MAP2: variants seen among roughly 807,000 people sequenced by gnomAD.
MAP2 encodes the protein microtubule-associated protein 2.
A neutral mutation model predicts 137.6 loss-of-function variants in MAP2; 14 were observed. The ratio of observed to expected loss-of-function variants is 0.10; its 90% CI spans 0.07 to 0.16. MAP2 has a LOEUF of 0.16. Among genes scored for constraint, MAP2 ranks in the 10% least tolerant of loss-of-function variants. MAP2 has a pLI of 1.00. For missense variants in MAP2, 2,088 were observed against 2,191.5 expected (o/e 0.95, Z 0.94); for synonymous variants, 786 against 782.3 (o/e 1.00, Z -0.08).
chr2:209,429,064 C>T (rs920345750), intron 1 of MAP2, among the ~76,000 whole-genome samples: 2 of 152,052 alleles, frequency 1.3e-5, no homozygotes, highest in Non-Finnish European at 2.9e-5. Context: ...CGCCATTCTC[C>T]TGCCTCAGCC....
Position 209,693,994 on chromosome 2 carries a change from C to G in MAP2, c.1824C>G (p.Thr608=). The change falls in exon 8 of 16, where the codon ACC becomes ACG. Residue 608 remains threonine, a synonymous_variant. Transcript: ENST00000682079. ...AAAGTGTCCATGAGTCTATTGATACCATGTCTCCCATGCATAAAAATGGTG... is the reference window on the plus strand; with the variant it reads ...AAAGTGTCCATGAGTCTATTGATACGATGTCTCCCATGCATAAAAATGGTG... ...TRESVHESID[T]MSPMHKNGDK... is the part of the protein sequence containing the mutation. 4 of 1,613,928 alleles carry G rather than the reference C, an allele frequency of 2.5e-6. No individual in the cohort carries two copies. The highest frequency in any genetic ancestry group is 2.5e-6 in the Non-Finnish European group (3 of 1,179,968).
intron 7 of MAP2, among the ~76,000 whole-genome samples, chr2:209,686,170 G>A (rs556659968): frequency 1.3e-5 from 2 of 152,258 alleles, no homozygotes; most frequent in African/African-American, 4.8e-5. Flanking sequence ...CTGCGAAATC[G>A]TGCCGAGTTG....
At chr2:209,515,283 C>A (rs993867851) in intron 2 of MAP2, among the ~76,000 whole-genome samples, 31 of 152,036 alleles carry the variant, frequency 2.0e-4, no homozygotes, top group African/African-American at 7.2e-4. Flanking sequence ...TAGTTCAAAA[C>A]TAGAGCAAGT....
Position 209,692,649 on chromosome 2 carries a change from A to G in MAP2, c.479A>G (p.Glu160Gly). ...GATTTACTTACAGCCTCGAAGATGG[A>G]GTTCCACGATCAACAGGAATTGACT... ...EEDLLTASKM[E>G]FHDQQELTPS... The change falls in exon 8 of 16, where the codon GAG (glutamate) becomes GGG (glycine). Residue 160 changes from glutamate (E) to glycine (G), a missense_variant. Coordinates refer to ENST00000682079, the MANE Select transcript of MAP2 (RefSeq NM_001375505.1). 1.3e-6 allele frequency: 2 copies of G among 1,584,932 alleles called. No homozygotes were observed. Among genetic ancestry groups the G allele is most frequent in the Non-Finnish European group, 1.7e-6 (2 of 1,170,876 alleles).
chr2:209,435,966 TATATATA>T (rs1313182308), intron 1 of MAP2, among the ~76,000 whole-genome samples: 1 of 137,276 alleles, frequency 7.3e-6, no homozygotes, highest in Non-Finnish European at 1.6e-5. Flanking sequence ...CAGTATATAT[TATATATA>T]ATATATACAG....
At chr2:209,707,622 A>C (rs1409380185) in intron 12 of MAP2, among the ~76,000 whole-genome samples, 1 of 152,210 alleles carries the variant, frequency 6.6e-6, no homozygotes, top group Non-Finnish European at 1.5e-5. Context: ...GAAATATCTT[A>C]AAAGTTGTTT....
In MAP2 at chr2:209,695,686, A is replaced by T. The variant is rs573905876; in HGVS notation, c.3516A>T (p.Glu1172Asp). ...AGATTGCCGTCAAATTGTCAGTGGA[A>T]ATACCTTGCCCACCTGCTGTTTCAG... Reference protein sequence around the residue: ...QDEIAVKLSVEIPCPPAVSEA... With the variant: ...QDEIAVKLSVDIPCPPAVSEA... The change falls in exon 8 of 16, where the codon GAA becomes GAT. Residue 1172 changes from glutamate to aspartate, a missense_variant. Around this residue, in one of 6 missense-constraint regions of MAP2, gnomAD observed 591 missense variants for 642.6 expected, o/e 0.92. Coordinates refer to ENST00000682079, the MANE Select transcript of MAP2 (RefSeq NM_001375505.1). 3 of 1,614,102 alleles carry T rather than the reference A, an allele frequency of 1.9e-6. No homozygotes were observed. The East Asian group carries it at 6.7e-5, about 36-fold the overall frequency.
At chr2:209,443,564 C>G in intron 1 of MAP2, among the ~76,000 whole-genome samples, 1 of 4,118 alleles carries the variant, frequency 2.4e-4, no homozygotes, top group East Asian at 6.1e-4. Flanking sequence ...CTACCAGTCT[C>G]TTCAACGACC....
intron 1 of MAP2, among the ~76,000 whole-genome samples, chr2:209,426,121 C>G (rs1692507482): frequency 1.3e-5 from 2 of 152,168 alleles, no homozygotes; most frequent in Admixed American, 6.5e-5. Flanking sequence ...TGTATATTAT[C>G]AGAGCCATTG....
intron 2 of MAP2, among the ~76,000 whole-genome samples, chr2:209,516,306 C>G (rs1000305933): frequency 6.6e-6 from 1 of 152,022 alleles, no homozygotes; most frequent in African/African-American, 2.4e-5. Context: ...ATGTCATTTG[C>G]TTAAAGATGC....
At chr2:209,436,593 A>G (rs1310641338) in intron 1 of MAP2, among the ~76,000 whole-genome samples, 1 of 151,816 alleles carries the variant, frequency 6.6e-6, no homozygotes, top group Non-Finnish European at 1.5e-5. Flanking sequence ...TTAAAAGATA[A>G]CAAATACATG....
intron 2 of MAP2, among the ~76,000 whole-genome samples, chr2:209,539,251 G>A (rs1418306726): frequency 6.6e-6 from 1 of 152,170 alleles, no homozygotes; most frequent in Non-Finnish European, 1.5e-5. Flanking sequence ...AAAGACCAAA[G>A]TAAATAACTT....
intron 1 of MAP2, among the ~76,000 whole-genome samples, chr2:209,464,855 A>G (rs1258711428): frequency 1.3e-5 from 2 of 152,112 alleles, no homozygotes; most frequent in Non-Finnish European, 2.9e-5. Flanking sequence ...TTCTTAAAAA[A>G]GTGTTCTTTT....
At chr2:209,725,289 G>A (rs2073467732) in intron 13 of MAP2, among the ~76,000 whole-genome samples, 1 of 152,144 alleles carries the variant, frequency 6.6e-6, no homozygotes, top group Non-Finnish European at 1.5e-5. Flanking sequence ...CTTAACGTTG[G>A]TCTTCTTGTA....
chr2:209,656,565 C>T (rs1272170161), intron 5 of MAP2, among the ~76,000 whole-genome samples: 1 of 151,832 alleles, frequency 6.6e-6, no homozygotes, highest in Non-Finnish European at 1.5e-5. Context: ...TGATTTAAAA[C>T]TATCCATAAA....
At chr2:209,630,103 G>A (rs2092825823) in intron 4 of MAP2, among the ~76,000 whole-genome samples, 1 of 151,996 alleles carries the variant, frequency 6.6e-6, no homozygotes, top group South Asian at 2.1e-4. Context: ...GTCCAGGCAT[G>A]GTTACTATGC....
intron 2 of MAP2, among the ~76,000 whole-genome samples, chr2:209,539,409 C>T (rs963444063): frequency 6.6e-5 from 10 of 152,178 alleles, no homozygotes; most frequent in Non-Finnish European, 1.5e-4. Context: ...TGAGTCAGAA[C>T]AGCTGAAGTA....
chr2:209,453,874 G>A (rs960412401), intron 1 of MAP2, among the ~76,000 whole-genome samples: 13 of 152,060 alleles, frequency 8.5e-5, no homozygotes, highest in Non-Finnish European at 1.3e-4. Flanking sequence ...AGGACAGGCC[G>A]GGTGTCGTGG....
At chr2:209,712,283 CTTT>C (rs1020324657) in intron 13 of MAP2, among the ~76,000 whole-genome samples, 30 of 152,004 alleles carry the variant, frequency 2.0e-4, no homozygotes, top group African/African-American at 6.8e-4. Context: ...ATATCTCATA[CTTT>C]TGAGCTGAAC....
Sources: gnomAD v4.1 joint callset for allele counts (sites outside exome capture counted in the v4.1 genomes callset) on GRCh38, gnomAD v4.1.1 for gene constraint, gnomAD v4.1.1 regional missense constraint, MANE v1.5 for transcripts, NCBI Gene and HGNC (gene_info 2026-07-23, HGNC 2026-07-21) for gene names.